TOX2: variants seen among roughly 807,000 people sequenced by gnomAD.
TOX2 encodes the protein TOX high mobility group box family member 2.
Under a neutral mutation model 47.4 loss-of-function variants are expected in TOX2, and 15 were observed. That is an observed-to-expected ratio of 0.32 (90% CI 0.21 to 0.49). The LOEUF (loss-of-function observed/expected upper bound fraction) is 0.49. Ranked by LOEUF, TOX2 falls within the 20% of genes least tolerant of loss-of-function variation. TOX2 has a pLI of 0.99. For missense variants in TOX2, 622 were observed against 673.1 expected, an observed-to-expected ratio of 0.92 and a Z score of 0.84; for synonymous variants, 290 against 296.6, an observed-to-expected ratio of 0.98 and a Z score of 0.23.
chr20:43,946,197 G>A (rs530979615), intron 1 of TOX2, among the ~76,000 whole-genome samples: 1 of 152,356 alleles, frequency 6.6e-6, no homozygotes, highest in East Asian at 1.9e-4. Flanking sequence ...GAGGCCTGCA[G>A]TTGGCAGCTC....
chr20:43,921,208 G>C (rs2069109401), intron 1 of TOX2, among the ~76,000 whole-genome samples: 1 of 152,206 alleles, frequency 6.6e-6, no homozygotes, highest in Non-Finnish European at 1.5e-5. Context: ...GGGAAGAGGA[G>C]CTGAGCCTGC....
At chr20:44,056,387 C>G (rs1329325434) in intron 5 of TOX2, among the ~76,000 whole-genome samples, 1 of 152,212 alleles carries the variant, frequency 6.6e-6, no homozygotes, top group Non-Finnish European at 1.5e-5. Context: ...TCGTTGGCAA[C>G]CAATTCCCTT....
intron 3 of TOX2, among the ~76,000 whole-genome samples, chr20:44,039,680 C>CA (rs1296909151): frequency 1.3e-5 from 2 of 152,216 alleles, no homozygotes; most frequent in African/African-American, 4.8e-5. Flanking sequence ...GAACGGGGTC[C>CA]TGCTGTGGAC....
intron 3 of TOX2, among the ~76,000 whole-genome samples, chr20:44,045,773 C>T (rs73275296): frequency 0.019 from 2,866 of 152,162 alleles, 78 homozygotes; most frequent in African/African-American, 0.065. Context: ...TTCAAAAATC[C>T]GCCATTATCA....
intron 1 of TOX2, among the ~76,000 whole-genome samples, chr20:43,928,605 A>G (rs912433382): frequency 3.9e-5 from 6 of 152,126 alleles, no homozygotes; most frequent in African/African-American, 1.2e-4. Flanking sequence ...CTGTGGGACA[A>G]TTTTTCATCT....
At chr20:43,951,767 A>G (rs1342495637) in intron 1 of TOX2, among the ~76,000 whole-genome samples, 2 of 127,718 alleles carry the variant, frequency 1.6e-5, no homozygotes, top group Non-Finnish European at 3.1e-5. Context: ...GCTCTAGTGC[A>G]GTGGCATGAT....
At chr20:44,012,660 A>G (rs940781233) in intron 3 of TOX2, among the ~76,000 whole-genome samples, 3 of 152,136 alleles carry the variant, frequency 2.0e-5, no homozygotes, top group Non-Finnish European at 2.9e-5. Flanking sequence ...TTTCCTATCT[A>G]TGAAATGGGG....
At chr20:43,957,284 T>TA (rs1195195093) in intron 1 of TOX2, among the ~76,000 whole-genome samples, 21 of 152,356 alleles carry the variant, frequency 1.4e-4, no homozygotes, top group Admixed American at 9.8e-4. Flanking sequence ...AGGGACAGGA[T>TA]AACCCTCTTG....
chr20:44,005,891 A>G (rs2070671043), intron 2 of TOX2, among the ~76,000 whole-genome samples: 1 of 151,714 alleles, frequency 6.6e-6, no homozygotes, highest in African/African-American at 2.4e-5. Flanking sequence ...TGTTCTCACC[A>G]TTTCTATTCA....
At chr20:43,918,675 C>T (rs1330729232) in intron 1 of TOX2, among the ~76,000 whole-genome samples, 3 of 152,142 alleles carry the variant, frequency 2.0e-5, no homozygotes, top group Non-Finnish European at 4.4e-5. Flanking sequence ...TAGTTTGTTC[C>T]ATTTAATTGC....
chr20:44,013,318 C>T (rs1283869556), intron 3 of TOX2, among the ~76,000 whole-genome samples: 1 of 152,152 alleles, frequency 6.6e-6, no homozygotes, highest in African/African-American at 2.4e-5. Context: ...CCCCTCCAAT[C>T]TCCTTTCTCT....
In TOX2 at chr20:43,978,858, T is replaced by C. The variant is rs137899272; in HGVS notation, c.165+5426T>C. Reference sequence around the variant, plus strand: ...GATTTGCAGTCTTAAAAGCTCTCAATGACAAGAATGAATACAGGGAGACCA... The same window carrying C: ...GATTTGCAGTCTTAAAAGCTCTCAACGACAAGAATGAATACAGGGAGACCA... On this transcript the variant is annotated intron_variant, in intron 2 of 8. Coordinates refer to ENST00000341197, the MANE Select transcript of TOX2 (RefSeq NM_001098797.2). Among the ~76,000 whole-genome samples, 415 of 151,696 alleles carry C rather than the reference T, an allele frequency of 2.7e-3. 2 individuals carry two copies. The highest frequency in any genetic ancestry group is 9.2e-3 in the African/African-American group (380 of 41,340).
rs6103553 is a variant in TOX2, at chr20:43,999,537, A to C, written c.166-7010A>C. ...ATAAATTTAACCAGGAAGGGGAAAA[A>C]CTCCTAAACTGAAAACTACACAACA... On this transcript the variant is annotated intron_variant, in intron 2 of 8. Transcript: ENST00000341197. Among the ~76,000 whole-genome samples, 3 of 152,280 alleles carry C rather than the reference A, an allele frequency of 2.0e-5. No individual in the cohort carries two copies. In the East Asian group the frequency reaches 5.8e-4, roughly 29 times the overall value.
At chr20:43,950,387 G>A (rs574647868) in intron 1 of TOX2, among the ~76,000 whole-genome samples, 1 of 152,302 alleles carries the variant, frequency 6.6e-6, no homozygotes, top group Admixed American at 6.5e-5. Flanking sequence ...GATAAGGCCG[G>A]TGGAAAAAGT....
In TOX2 at chr20:43,916,294, G is replaced by T; in HGVS notation, c.99+1304G>T. The T allele has an allele frequency of 1.1e-6, 1 of 937,134 alleles. No individual in the cohort carries two copies. Among genetic ancestry groups the T allele is most frequent in the Non-Finnish European group, 1.3e-6 (1 of 785,808 alleles). 58.1% of individuals were successfully genotyped at this position (937,134 alleles called of 1,614,324 possible). On this transcript the variant is annotated intron_variant, in intron 1 of 8. Transcript: ENST00000341197. This position sits in a 1 kb window ranked among gnomAD's most constrained non-coding sequence, Gnocchi z 5.0. ...CTTTTCGTCAGGCCCCTGGTAGTGG[G>T]GATGAGGCAGGAGAGAGGCGTCCCG...
intron 1 of TOX2, among the ~76,000 whole-genome samples, chr20:43,930,964 T>A (rs1195160301): frequency 6.6e-6 from 1 of 152,204 alleles, no homozygotes; most frequent in Non-Finnish European, 1.5e-5. Context: ...TGATGTTTAT[T>A]GTTTATGTCC....
intron 4 of TOX2, among the ~76,000 whole-genome samples, chr20:44,053,926 T>G (rs2071572096): frequency 6.6e-6 from 1 of 152,160 alleles, no homozygotes; most frequent in South Asian, 2.1e-4. Context: ...GAGATGCAAA[T>G]TTCTGTCCAG....
intron 1 of TOX2, among the ~76,000 whole-genome samples, chr20:43,923,046 G>A (rs1339149071): frequency 2.0e-5 from 3 of 151,730 alleles, no homozygotes; most frequent in Non-Finnish European, 4.4e-5. Context: ...AGGAATGCCA[G>A]GTGGGCTGCC....
chr20:43,939,567 A>C (rs983235105), intron 1 of TOX2, among the ~76,000 whole-genome samples: 1 of 152,188 alleles, frequency 6.6e-6, no homozygotes, highest in Non-Finnish European at 1.5e-5. Flanking sequence ...ATGAGGCTGG[A>C]ATGTGGCATT....
Sources: gnomAD v4.1 joint callset for allele counts (sites outside exome capture counted in the v4.1 genomes callset) on GRCh38, gnomAD v4.1.1 for gene constraint, Gnocchi (gnomAD v3.1) non-coding constraint, MANE v1.5 for transcripts, NCBI Gene and HGNC (gene_info 2026-07-23, HGNC 2026-07-21) for gene names.